The following FAM53B variants were observed in gnomAD, a reference collection of about 807,000 sequenced individuals.
FAM53B encodes protein FAM53B.
A neutral mutation model predicts 32.7 loss-of-function variants in FAM53B; 12 were observed. That is an observed-to-expected ratio of 0.37 (90% CI 0.24 to 0.59). FAM53B has a LOEUF of 0.59. FAM53B is among the 20% of genes least tolerant of loss of function. FAM53B has a pLI of 0.72. For missense variants in FAM53B, 477 were observed against 577.7 expected (o/e 0.83, Z 1.79); for synonymous variants, 234 against 228.7 (o/e 1.02, Z -0.21).
rs537228713 is a variant in FAM53B, at chr10:124,670,689, C to T, written c.906+10918G>A. Among the ~76,000 whole-genome samples, 20 of 152,312 alleles carry T rather than the reference C, an allele frequency of 1.3e-4. No individual in the cohort carries two copies. The East Asian group carries it at 3.7e-3, about 28-fold the overall frequency. On this transcript the variant is annotated intron_variant, in intron 4 of 4. Coordinates refer to ENST00000337318, the MANE Select transcript of FAM53B (RefSeq NM_014661.4). ...CTGATTATCTTTGCAAAGCTGAACA[C>T]ATCTCATCATCTGTGACTTTGTGCC...
At chr10:124,671,601 C>T (rs1004395673) in intron 4 of FAM53B, among the ~76,000 whole-genome samples, 5 of 152,222 alleles carry the variant, frequency 3.3e-5, no homozygotes, top group Admixed American at 3.3e-4. Flanking sequence ...CATACCGCCA[C>T]CACTACTCCA....
intron 4 of FAM53B, among the ~76,000 whole-genome samples, chr10:124,677,760 G>GC (rs1949745486): frequency 6.6e-6 from 1 of 152,208 alleles, no homozygotes; most frequent in Non-Finnish European, 1.5e-5. Context: ...ACAGACAAGA[G>GC]CCCCCACTGC....
At chr10:124,718,786 G>A (rs558504825) in intron 1 of FAM53B, among the ~76,000 whole-genome samples, 20 of 152,352 alleles carry the variant, frequency 1.3e-4, no homozygotes, top group East Asian at 3.9e-4. Flanking sequence ...AGTGGCTCAC[G>A]CCTATAATCC....
At chr10:124,697,707 G>A (rs763491208) in intron 2 of FAM53B, among the ~76,000 whole-genome samples, 6 of 152,094 alleles carry the variant, frequency 3.9e-5, no homozygotes, top group Non-Finnish European at 8.8e-5. Flanking sequence ...TCCTGGGGGG[G>A]ATGCTTAGAC....
chr10:124,641,319 T>C (rs185002963), intron 4 of FAM53B, among the ~76,000 whole-genome samples: 2 of 152,322 alleles, frequency 1.3e-5, no homozygotes, highest in East Asian at 3.9e-4. Flanking sequence ...CCAGTGCAGA[T>C]GGGAAGTGTG....
chr10:124,672,023 T>C, intron 4 of FAM53B, among the ~76,000 whole-genome samples: 1 of 152,214 alleles, frequency 6.6e-6, no homozygotes, highest in East Asian at 1.9e-4. Flanking sequence ...TAATTCCGGA[T>C]GGCTGATACC....
At chr10:124,681,246 T>C (rs1028507480) in intron 4 of FAM53B, among the ~76,000 whole-genome samples, 7 of 152,046 alleles carry the variant, frequency 4.6e-5, no homozygotes, top group Non-Finnish European at 5.9e-5. Context: ...TGTATATCTC[T>C]TGCAGCAGCT....
In FAM53B at chr10:124,681,600, C is replaced by CTCT. The variant is rs778499544; in HGVS notation, c.906+4_906+6dup. ...CCAAGGTGACTCCAGGCTGCTGGGG[C>CTCT]TCTTACCTGTGCCATCTTGGCAAGG... is the stretch of plus-strand genomic sequence containing the variant. On this transcript the variant is annotated splice_region_variant and intron_variant, in intron 4 of 4. Transcript: ENST00000337318. 19 of 1,580,192 alleles carry CTCT rather than the reference C, an allele frequency of 1.2e-5. No homozygotes were observed. In the African/African-American group the frequency reaches 2.4e-4, roughly 20 times the overall value.
rs781035667 is a variant in FAM53B, at chr10:124,623,816, G to C, written c.907-212C>G. 7.4e-6 allele frequency: 4 copies of C among 541,260 alleles called. No individual in the cohort carries two copies. In the Admixed American group the frequency reaches 1.5e-4, roughly 20 times the overall value. The allele number at this position is 541,260 out of a possible 1,614,324, so 33.5% of individuals were successfully genotyped here. On this transcript the variant is annotated intron_variant, in intron 4 of 4. Coordinates refer to ENST00000337318, the MANE Select transcript of FAM53B (RefSeq NM_014661.4). ...GCGCTCTGTGCTCATAAAGACACGCGCAATTCCACTATTCACCTACTAACT... is the reference window on the plus strand; with the variant it reads ...GCGCTCTGTGCTCATAAAGACACGCCCAATTCCACTATTCACCTACTAACT...
intron 4 of FAM53B, among the ~76,000 whole-genome samples, chr10:124,644,250 G>A (rs987135378): frequency 5.3e-5 from 8 of 152,186 alleles, no homozygotes; most frequent in Admixed American, 3.3e-4. Flanking sequence ...CTAGCTCACC[G>A]AGTTAGCTGG....
At chr10:124,629,650 C>T (rs1589730158) in intron 4 of FAM53B, among the ~76,000 whole-genome samples, 1 of 152,206 alleles carries the variant, frequency 6.6e-6, no homozygotes, top group African/African-American at 2.4e-5. Flanking sequence ...CAAGAAAACA[C>T]CAGGCTATGA....
At chr10:124,690,518 T>C (rs1006444378) in intron 3 of FAM53B, among the ~76,000 whole-genome samples, 4 of 152,246 alleles carry the variant, frequency 2.6e-5, no homozygotes, top group Non-Finnish European at 5.9e-5. Context: ...GGCACTATTG[T>C]GGTCCCCTCC....
At chr10:124,624,110 A>G (rs777145490) in intron 4 of FAM53B, 20 of 154,688 alleles carry the variant, frequency 1.3e-4, no homozygotes, top group Non-Finnish European at 2.6e-4. Context: ...TTTTTCAAGC[A>G]GGGACCTCTA....
chr10:124,736,205 A>T (rs1164364914), intron 1 of FAM53B, among the ~76,000 whole-genome samples: 1 of 152,256 alleles, frequency 6.6e-6, no homozygotes, highest in Non-Finnish European at 1.5e-5. Flanking sequence ...CAAGGTGAGA[A>T]ATCAGAGGCC....
chr10:124,621,799 C>T lies in FAM53B; in HGVS notation c.*1443G>A, dbSNP rs770338467. The T allele has an allele frequency of 6.6e-5, 10 of 152,268 alleles. No individual in the cohort carries two copies. Among genetic ancestry groups the T allele is most frequent in the East Asian group, 1.9e-4 (1 of 5,202 alleles). 9.4% of individuals were successfully genotyped at this position (152,268 alleles called of 1,614,324 possible). A position where few individuals can be genotyped will look rare whatever the true frequency, so the allele number is the denominator to read the frequency against. On this transcript the variant is annotated 3_prime_UTR_variant, in exon 5 of 5. Coordinates refer to ENST00000337318, the MANE Select transcript of FAM53B (RefSeq NM_014661.4). ...TGACTACAAAAGTGCTTTGAACGCG[C>T]GTGTCAGCCAACACAAGGGAGCGCA... is the stretch of plus-strand genomic sequence containing the variant.
chr10:124,666,936 G>C (rs1949676488), intron 4 of FAM53B, among the ~76,000 whole-genome samples: 1 of 152,208 alleles, frequency 6.6e-6, no homozygotes, highest in Non-Finnish European at 1.5e-5. Flanking sequence ...CTCAGGCAGG[G>C]GCCTCTTGCC....
At position 124,624,453 on chromosome 10, in the gene FAM53B, C is replaced by T. The variant is rs560873294; in HGVS notation, c.907-849G>A. 2.5e-3 allele frequency among the ~76,000 whole-genome samples: 387 copies of T among 152,322 alleles called. 1 individual carries two copies. The highest frequency in any genetic ancestry group is 4.4e-3 in the Non-Finnish European group (300 of 68,018). On this transcript the variant is annotated intron_variant, in intron 4 of 4. Transcript: ENST00000337318. Reference sequence around the variant, plus strand: ...GGGCCAGGCTCCAGGTTCTGGTGCTCGCCAGCTGGGGGCCTCATCTGGAAG... The same window carrying T: ...GGGCCAGGCTCCAGGTTCTGGTGCTTGCCAGCTGGGGGCCTCATCTGGAAG...
chr10:124,730,688 C>T (rs544572682), intron 1 of FAM53B, among the ~76,000 whole-genome samples: 4 of 152,282 alleles, frequency 2.6e-5, no homozygotes, highest in South Asian at 2.1e-4. Context: ...AGGTGACCAC[C>T]GCATGCAGCT....
At chr10:124,691,498 T>C (rs187751950) in intron 3 of FAM53B, among the ~76,000 whole-genome samples, 2 of 152,244 alleles carry the variant, frequency 1.3e-5, no homozygotes, top group Non-Finnish European at 2.9e-5. Context: ...TTTTTTAGCA[T>C]ATGAATTGTT....
Sources: gnomAD v4.1 joint callset for allele counts (sites outside exome capture counted in the v4.1 genomes callset) on GRCh38, gnomAD v4.1.1 for gene constraint, MANE v1.5 for transcripts, NCBI Gene and HGNC (gene_info 2026-07-23, HGNC 2026-07-21) for gene names.